Variants in ANKRD42 observed in about 807,000 individuals in gnomAD.
ANKRD42 encodes ankyrin repeat domain-containing protein 42.
A neutral mutation model predicts 51.5 loss-of-function variants in ANKRD42; 43 were observed. That is an observed-to-expected ratio of 0.83 (90% CI 0.65 to 1.08). The LOEUF is 1.08. Ranked by LOEUF, ANKRD42 falls within the 50% of genes least tolerant of loss-of-function variation. The pLI, the probability that ANKRD42 is intolerant of heterozygous loss-of-function variation, is 0.00. For missense variants in ANKRD42, 608 were observed against 629.3 expected (o/e 0.97, Z 0.36); for synonymous variants, 203 against 213.0 (o/e 0.95, Z 0.41).
chr11:83,224,898 C>T lies in ANKRD42; in HGVS notation c.630C>T (p.Phe210=). 1 of 1,608,704 alleles carries T rather than the reference C, an allele frequency of 6.2e-7. No individual in the cohort carries two copies. The highest frequency in any genetic ancestry group is 8.5e-7 in the Non-Finnish European group (1 of 1,176,560). The change falls in exon 6 of 11, where the codon TTC becomes TTT. Residue 210 remains phenylalanine, a synonymous_variant. Coordinates refer to ENST00000533342, the MANE Select transcript of ANKRD42 (RefSeq NM_001300975.2). ...AAGGCCACCTTCACTGTTTCAAATT[C>T]CTAGTCAGTAGAATGAGCAGTGCGA... ...AMEGHLHCFK[F]LVSRMSSATQ...
intron 5 of ANKRD42, among the ~76,000 whole-genome samples, 165 bp from the exon 6 acceptor site, chr11:83,224,690 G>C (rs1032706614): frequency 6.6e-6 from 1 of 152,094 alleles, no homozygotes; most frequent in African/African-American, 2.4e-5. Flanking sequence ...GGATGAGGTG[G>C]GGGGAATCAC....
chr11:83,215,834 T>C (rs1255074013), intron 5 of ANKRD42, among the ~76,000 whole-genome samples: 1 of 152,154 alleles, frequency 6.6e-6, no homozygotes, highest in South Asian at 2.1e-4. Context: ...CTTGCTCTGC[T>C]ACCCAGGCTG....
chr11:83,228,630 A>C (rs554468605), intron 7 of ANKRD42, among the ~76,000 whole-genome samples: 23 of 152,300 alleles, frequency 1.5e-4, no homozygotes, highest in African/African-American at 5.5e-4. Context: ...TACTTCTGGC[A>C]GTCCTCAGAT....
At chr11:83,198,769 T>C in intron 2 of ANKRD42, 127 bp downstream of exon 2, 1 of 853,924 alleles carries the variant, frequency 1.2e-6, no homozygotes, top group Non-Finnish European at 1.6e-6. Flanking sequence ...ATAGTCAGTT[T>C]AATATTTGGG....
chr11:83,194,000 C>T lies in ANKRD42; in HGVS notation c.-671C>T, dbSNP rs1390785438. On this transcript the variant is annotated 5_prime_UTR_variant, in exon 1 of 11. Transcript: ENST00000533342. ...AGGGTCGCTGCAGGAAGCCTAAGTG[C>T]AGACGCCGGCTTCTCCCGCAGTGAC... 3.3e-5 allele frequency: 15 copies of T among 456,428 alleles called. No homozygotes were observed. The Admixed American group carries it at 3.5e-4, about 11-fold the overall frequency. The allele number at this position is 456,428 out of a possible 1,614,324, so 28.3% of individuals were successfully genotyped here.
chr11:83,255,856 T>C, exon 12 of ANKRD42: 1 of 1,530,938 alleles, frequency 6.5e-7, no homozygotes, highest in Non-Finnish European at 8.7e-7. Context: ...AAGACAGCGC[T>C]TCTTGTGAGT....
chr11:83,255,885 G>A (rs998307014), exon 12 of ANKRD42: 93 of 1,532,250 alleles, frequency 6.1e-5, no homozygotes, highest in African/African-American at 1.1e-4. Context: ...GAGAAGAGGC[G>A]AGTAAAAAAA....
intron 5 of ANKRD42, among the ~76,000 whole-genome samples, chr11:83,220,254 G>C (rs1428776009): frequency 6.6e-6 from 1 of 152,208 alleles, no homozygotes; most frequent in Non-Finnish European, 1.5e-5. Flanking sequence ...GGGGTTGTTA[G>C]AGAGCCCTTT....
chr11:83,209,317 C>A, intron 3 of ANKRD42: 2 of 833,006 alleles, frequency 2.4e-6, no homozygotes, highest in Non-Finnish European at 4.0e-6. Flanking sequence ...TTTCTTGAGG[C>A]CAAAGTGGGT....
chr11:83,217,545 C>T (rs1156616014), intron 5 of ANKRD42, among the ~76,000 whole-genome samples: 1 of 152,194 alleles, frequency 6.6e-6, no homozygotes, highest in Non-Finnish European at 1.5e-5. Flanking sequence ...GTGCCAGTGT[C>T]CAGGAGGAAG....
rs1863623717 is a variant in ANKRD42, at chr11:83,248,951, A to G, written c.*747A>G. ...TCACCAGTGGTTGATTTTCCAAGAA[A>G]TATAATTAACTATAATAATTAATCT... On this transcript the variant is annotated 3_prime_UTR_variant, in exon 11 of 11. Transcript: ENST00000533342. The G allele has an allele frequency of 1.0e-6, 1 of 983,156 alleles. No homozygotes were observed. Among genetic ancestry groups the G allele is most frequent in the Admixed American group, 6.1e-5 (1 of 16,268 alleles). The allele number at this position is 983,156 out of a possible 1,614,324, so 60.9% of individuals were successfully genotyped here.
At chr11:83,260,767 C>A (rs1195993367), downstream of ANKRD42, 1 of 152,042 alleles carries the variant, frequency 6.6e-6, no homozygotes, top group Non-Finnish European at 1.5e-5. Context: ...TTTAAAATTT[C>A]TTTGAAATTA....
rs558724904 is a variant in ANKRD42, at chr11:83,197,226, A to T, written c.59-1253A>T. 2.6e-4 allele frequency among the ~76,000 whole-genome samples: 39 copies of T among 151,742 alleles called. No individual in the cohort carries two copies. The South Asian group carries it at 6.2e-3, about 24-fold the overall frequency. On this transcript the variant is annotated intron_variant, in intron 1 of 10. Transcript: ENST00000533342. ...TTTGTTTCTCCTTAATTTTACCTGT[A>T]CTCTCTGAGGACATTGCTGTCAGGT...
At chr11:83,218,030 TA>T (rs1418155540) in intron 5 of ANKRD42, among the ~76,000 whole-genome samples, 1 of 152,246 alleles carries the variant, frequency 6.6e-6, no homozygotes, top group Admixed American at 6.5e-5. Context: ...AGTTTTCTCC[TA>T]ATGTCAGCCA....
chr11:83,234,049 C>T (rs1427875040), intron 7 of ANKRD42, among the ~76,000 whole-genome samples: 2 of 152,122 alleles, frequency 1.3e-5, no homozygotes, highest in Non-Finnish European at 2.9e-5. Flanking sequence ...ACAATATTTC[C>T]TCTTAGTACT....
rs539897905 is a variant in ANKRD42, at chr11:83,195,417, A to G, written c.58+689A>G. 3.9e-4 allele frequency among the ~76,000 whole-genome samples: 60 copies of G among 152,292 alleles called. No individual in the cohort carries two copies. The South Asian group carries it at 4.1e-3, about 11-fold the overall frequency. On this transcript the variant is annotated intron_variant, in intron 1 of 10. Transcript: ENST00000533342. ...CCACTGATTCCAGTAGGGGGTGAGT[A>G]TGGGTGTCAGAAAAAGCATTCTAAT... is the stretch of plus-strand genomic sequence containing the variant.
chr11:83,243,134 C>T (rs571891175), intron 9 of ANKRD42, among the ~76,000 whole-genome samples: 1 of 152,300 alleles, frequency 6.6e-6, no homozygotes, highest in South Asian at 2.1e-4. Flanking sequence ...TCCCCAGCAT[C>T]TGTTGTTTTT....
chr11:83,258,009 T>G (rs547499584), downstream of ANKRD42, among the ~76,000 whole-genome samples: 2 of 152,300 alleles, frequency 1.3e-5, no homozygotes, highest in African/African-American at 4.8e-5. Context: ...ACGTAAAACC[T>G]TAGGGTCATG....
chr11:83,212,603 G>C, intron 5 of ANKRD42: 1 of 1,379,062 alleles, frequency 7.3e-7, no homozygotes, highest in Non-Finnish European at 1.0e-6. Context: ...ACACAAAGGG[G>C]AAGGGCAGAA....
Sources: gnomAD v4.1 joint callset for allele counts (sites outside exome capture counted in the v4.1 genomes callset) on GRCh38, gnomAD v4.1.1 for gene constraint, MANE v1.5 for transcripts, NCBI Gene and HGNC (gene_info 2026-07-23, HGNC 2026-07-21) for gene names.